Variants in CAMKMT observed in about 807,000 individuals in gnomAD.
CAMKMT encodes CaM KMT.
A neutral mutation model predicts 48.0 loss-of-function variants in CAMKMT; 53 were observed. That is an observed-to-expected ratio of 1.10 (90% CI 0.89 to 1.39). CAMKMT has a LOEUF of 1.39. Among genes scored for constraint, CAMKMT ranks in the 40% most tolerant of loss-of-function variants. The pLI is 0.00. For missense variants in CAMKMT, 428 were observed against 402.7 expected (o/e 1.06, Z -0.54); for synonymous variants, 165 against 152.3 (o/e 1.08, Z -0.61).
chr2:44,493,225 A>G (rs1447545489), intron 3 of CAMKMT, among the ~76,000 whole-genome samples: 1 of 152,132 alleles, frequency 6.6e-6, no homozygotes, highest in East Asian at 1.9e-4. Context: ...GCACTGGTCA[A>G]CAGGAAAAAA....
rs1680845540 is a variant in CAMKMT at position 44,766,448 on chromosome 2, G to T, written c.781G>T (p.Ala261Ser). The part of the protein sequence containing the change: ...LQPRGKAMVF[A>S]PRRGNTLNQF... ...GTTCTAGGGGAAAGCGATGGTATTT[G>T]CCCCACGCCGAGGGAATACTTTAAA... The change falls in exon 10 of 11, where the codon GCC becomes TCC. Residue 261 changes from alanine (A) to serine (S), a missense_variant. Physicochemically the swap from Ala to Ser is moderately conservative, Grantham distance 99 (BLOSUM62 1). Transcript: ENST00000378494. The T allele has an allele frequency of 1.2e-6, 2 of 1,614,126 alleles. No individual in the cohort carries two copies. The highest frequency in any genetic ancestry group is 8.5e-7 in the Non-Finnish European group (1 of 1,180,014).
chr2:44,573,407 A>T (rs564653933), intron 3 of CAMKMT, among the ~76,000 whole-genome samples: 1 of 151,444 alleles, frequency 6.6e-6, no homozygotes, highest in African/African-American at 2.4e-5. Flanking sequence ...TTTTTAGTGT[A>T]TATTATCTTT....
chr2:44,409,131 A>G (rs1408045612), intron 3 of CAMKMT, among the ~76,000 whole-genome samples: 2 of 4,658 alleles, frequency 4.3e-4, no homozygotes, highest in Non-Finnish European at 5.0e-4. Flanking sequence ...ATATATATAT[A>G]TATATATATA....
intron 6 of CAMKMT, among the ~76,000 whole-genome samples, chr2:44,709,527 T>A (rs942437019): frequency 1.3e-5 from 2 of 152,206 alleles, no homozygotes; most frequent in Non-Finnish European, 2.9e-5. Context: ...TTTTTCCTGC[T>A]TTTAATACTA....
chr2:44,739,971 C>G (rs1240141635), intron 7 of CAMKMT, among the ~76,000 whole-genome samples: 1 of 151,874 alleles, frequency 6.6e-6, no homozygotes, highest in East Asian at 1.9e-4. Context: ...GGGGATGGAT[C>G]TAGGTGGCAT....
chr2:44,613,990 A>G (rs1671733425), intron 3 of CAMKMT, among the ~76,000 whole-genome samples: 1 of 152,244 alleles, frequency 6.6e-6, no homozygotes, highest in Admixed American at 6.5e-5. Flanking sequence ...AACTCAAGGC[A>G]GAATATGAAA....
chr2:44,592,725 T>C (rs750888822), intron 3 of CAMKMT, among the ~76,000 whole-genome samples: 11 of 152,208 alleles, frequency 7.2e-5, no homozygotes, highest in Non-Finnish European at 1.5e-4. Context: ...AGGCATCCAC[T>C]AGGACCTTGG....
intron 3 of CAMKMT, among the ~76,000 whole-genome samples, chr2:44,695,814 G>T (rs1676911002): frequency 6.6e-6 from 1 of 151,802 alleles, no homozygotes; most frequent in Non-Finnish European, 1.5e-5. Context: ...AGCCTTGAAG[G>T]CTCGGAAATC....
intron 2 of CAMKMT, among the ~76,000 whole-genome samples, chr2:44,382,268 A>T (rs1360540711): frequency 1.3e-5 from 2 of 151,634 alleles, no homozygotes; most frequent in African/African-American, 4.8e-5. Context: ...GCTCATTTTC[A>T]TCTTTTCTTA....
intron 3 of CAMKMT, among the ~76,000 whole-genome samples, chr2:44,417,167 G>A (rs1486682752): frequency 3.9e-5 from 6 of 152,038 alleles, no homozygotes; most frequent in East Asian, 1.9e-4. Flanking sequence ...AGGCTGAGGC[G>A]CGGATCACGA....
intron 2 of CAMKMT, among the ~76,000 whole-genome samples, chr2:44,387,572 CTTTGTTTTTT>C (rs1680894970): frequency 6.6e-6 from 1 of 151,726 alleles, no homozygotes; most frequent in South Asian, 2.1e-4. Flanking sequence ...TGCCTGAGTA[CTTTGTTTTTT>C]TTTGTTTTTG....
Position 44,480,315 on chromosome 2 carries a change from C to G in CAMKMT, c.376+90010C>G, listed in dbSNP as rs560148050. On this transcript the variant is annotated intron_variant, in intron 3 of 10. Transcript: ENST00000378494. ...AGTGGGTCACTTGCACACACATACA[C>G]ACACCCTCCACACATCCAGAATAAA... Among the ~76,000 whole-genome samples, 188 of 152,314 alleles carry G rather than the reference C, an allele frequency of 1.2e-3. 3 individuals carry two copies. Among genetic ancestry groups the G allele is most frequent in the African/African-American group, 4.4e-3 (181 of 41,558 alleles).
chr2:44,692,002 G>A (rs1676682135), intron 3 of CAMKMT, among the ~76,000 whole-genome samples: 1 of 152,152 alleles, frequency 6.6e-6, no homozygotes, highest in Non-Finnish European at 1.5e-5. Context: ...GTCTGCTAAT[G>A]GGTCAAAGCG....
chr2:44,378,110 A>C (rs778375191), intron 2 of CAMKMT, among the ~76,000 whole-genome samples: 4 of 152,238 alleles, frequency 2.6e-5, no homozygotes, highest in Non-Finnish European at 5.9e-5. Context: ...TGATTATAGC[A>C]ATAAAACAAC....
chr2:44,582,759 A>C (rs2103780676), intron 3 of CAMKMT, among the ~76,000 whole-genome samples: 1 of 152,280 alleles, frequency 6.6e-6, no homozygotes, highest in Middle Eastern at 3.4e-3. Context: ...GGTGGCTTAG[A>C]GTTGAGATAT....
chr2:44,403,524 A>G (rs1682574967), intron 3 of CAMKMT, among the ~76,000 whole-genome samples: 1 of 152,164 alleles, frequency 6.6e-6, no homozygotes, highest in African/African-American at 2.4e-5. Flanking sequence ...GTAGACATGT[A>G]ACTCCGGTTG....
intron 3 of CAMKMT, among the ~76,000 whole-genome samples, chr2:44,611,049 G>A (rs4953118): frequency 0.53 from 80,234 of 151,962 alleles, 23,844 homozygotes; most frequent in Middle Eastern, 0.66. Context: ...GAGGATAATA[G>A]TCTCAAGATA....
rs536705206 is a variant in CAMKMT, at chr2:44,635,976, G to A, written c.377-68307G>A. ...CTATATAGATATTTCAGTGGGCTAC[G>A]TGTCAGTTTTCATACATAGGCCATG... On this transcript the variant is annotated intron_variant, in intron 3 of 10. Coordinates refer to ENST00000378494, the MANE Select transcript of CAMKMT (RefSeq NM_024766.5). 3.9e-5 allele frequency among the ~76,000 whole-genome samples: 6 copies of A among 152,264 alleles called. No homozygotes were observed. The East Asian group carries it at 9.6e-4, about 24-fold the overall frequency.
chr2:44,403,496 C>T (rs927400972), intron 3 of CAMKMT, among the ~76,000 whole-genome samples: 22 of 152,142 alleles, frequency 1.4e-4, no homozygotes, highest in African/African-American at 4.8e-4. Flanking sequence ...GTGTTTAGTC[C>T]ATCCTTGTAC....
Sources: gnomAD v4.1 joint callset for allele counts (sites outside exome capture counted in the v4.1 genomes callset) on GRCh38, gnomAD v4.1.1 for gene constraint, MANE v1.5 for transcripts, NCBI Gene and HGNC (gene_info 2026-07-23, HGNC 2026-07-21) for gene names.